Variants in ADAMTS1 observed in about 807,000 individuals in gnomAD.
The protein encoded by ADAMTS1 is ADAM metallopeptidase with thrombospondin type 1 motif 1.
In ADAMTS1, 19 loss-of-function variants were observed where a neutral mutation model predicts 87.9. The ratio of observed to expected loss-of-function variants is 0.22; its 90% CI spans 0.15 to 0.32. ADAMTS1 has a LOEUF of 0.32. ADAMTS1 is among the 10% of genes least tolerant of loss of function. ADAMTS1 has a pLI of 1.00. For missense variants in ADAMTS1, 1,240 were observed against 1,259.1 expected, an observed-to-expected ratio of 0.98 and a Z score of 0.23; for synonymous variants, 542 against 501.8, an observed-to-expected ratio of 1.08 and a Z score of -1.07.
chr21:26,841,827 G>A (rs1985499537), intron 3 of ADAMTS1, 31 bp downstream of exon 3: 3 of 1,599,274 alleles, frequency 1.9e-6, no homozygotes, highest in Non-Finnish European at 2.6e-6. Flanking sequence ...TTTCTGAATT[G>A]AGCTTAACTT....
At position 26,837,677 on chromosome 21, in the gene ADAMTS1, G is replaced by C. The variant is rs1985396970; in HGVS notation, c.2806C>G (p.Leu936Val). ...KGYKKRSLKC[L>V]SHDGGVLSHE... ...GATAACACCCCTCCATCATGGGACA[G>C]ACACTTCAAGCTTCTTTTTTTGTAA... The change falls in exon 9 of 9, where the codon CTG becomes GTG. Residue 936 changes from leucine (L) to valine (V), a missense_variant. By Grantham distance (32) the Leu-to-Val change is conservative (BLOSUM62 1). Coordinates refer to ENST00000284984, the MANE Select transcript of ADAMTS1 (RefSeq NM_006988.5). 4 of 1,614,220 alleles carry C rather than the reference G, an allele frequency of 2.5e-6. No homozygotes were observed. Among genetic ancestry groups the C allele is most frequent in the Non-Finnish European group, 3.4e-6 (4 of 1,180,048 alleles).
rs757786963 is a variant in ADAMTS1, at chr21:26,841,932, C to T, written c.1136G>A (p.Cys379Tyr). 1.2e-6 allele frequency: 2 copies of T among 1,614,180 alleles called. No homozygotes were observed. Among genetic ancestry groups the T allele is most frequent in the Non-Finnish European group, 1.7e-6 (2 of 1,180,038 alleles). ...TLGMADVGTV[C>Y]DPSRSCSVIE... ...GACGGAGCAGCTTCTGCTCGGATCA[C>T]ACACAGTTCCAACATCAGCCATCCC... The change falls in exon 3 of 9, where the codon TGT becomes TAT. Residue 379 changes from cysteine (C) to tyrosine (Y), a missense_variant. By Grantham distance (194) the Cys-to-Tyr change is radical. Around this residue, in one of 3 missense-constraint regions of ADAMTS1, gnomAD observed 317 missense variants for 410.3 expected, o/e 0.77. Transcript: ENST00000284984.
In ADAMTS1 at chr21:26,837,565, A is replaced by G; in HGVS notation, c.*14T>C. The G allele has an allele frequency of 6.2e-7, 1 of 1,611,054 alleles. No individual in the cohort carries two copies. The highest frequency in any genetic ancestry group is 1.1e-5 in the South Asian group (1 of 90,892). ...ACTTTGCCTTGCCCTCAAAGCTAAC[A>G]CCACTTAAACCACTTAACTGCATTC... is the stretch of plus-strand genomic sequence containing the variant. On this transcript the variant is annotated 3_prime_UTR_variant, in exon 9 of 9. Coordinates refer to ENST00000284984, the MANE Select transcript of ADAMTS1 (RefSeq NM_006988.5).
intron 8 of ADAMTS1, 80 bp from the exon 9 acceptor site, chr21:26,838,358 T>A: frequency 6.3e-7 from 1 of 1,581,282 alleles, no homozygotes; most frequent in Non-Finnish European, 8.6e-7. Flanking sequence ...ATTAATCTTT[T>A]ATGAGACATA....
In ADAMTS1 at chr21:26,840,523, A is replaced by G. The variant is rs377018656; in HGVS notation, c.1418T>C (p.Leu473Pro). Residue 473 changes from leucine to proline, a missense_variant, in exon 5 of 9, where the codon CTC becomes CCC. By Grantham distance (98) the Leu-to-Pro change is moderately conservative. Around this residue, in one of 3 missense-constraint regions of ADAMTS1, gnomAD observed 317 missense variants for 410.3 expected, o/e 0.77. Transcript: ENST00000284984. The stretch of plus-strand genomic sequence containing the variant: ...CGAGGTGCCAGGGAGATCGCCTGGG[A>G]GCTGTATGGGATTCTGAGGCTTGTC... ...LMDKPQNPIQ[L>P]PGDLPGTSYD... 8.7e-6 allele frequency: 14 copies of G among 1,614,186 alleles called. No individual in the cohort carries two copies. In the African/African-American group the frequency reaches 1.7e-4, roughly 20 times the overall value.
In ADAMTS1 at chr21:26,844,920, C is replaced by T. The variant is rs766310011; in HGVS notation, c.35G>A (p.Arg12His). The part of the protein sequence containing the change: ...QRAVPEGFGR[R>H]KLGSDMGNAE... Reference sequence around the variant, plus strand: ...GTTCCCCATGTCGCTGCCCAGCTTGCGCCTTCCGAACCCCTCGGGCACAGC... The same window carrying T: ...GTTCCCCATGTCGCTGCCCAGCTTGTGCCTTCCGAACCCCTCGGGCACAGC... Residue 12 changes from arginine (R) to histidine (H), a missense_variant, in exon 1 of 9, where the codon CGC (arginine) becomes CAC (histidine). By Grantham distance (29) the Arg-to-His change is conservative. Around this residue, in one of 3 missense-constraint regions of ADAMTS1, gnomAD observed 521 missense variants for 449.7 expected, o/e 1.16. Transcript: ENST00000284984. 3 of 1,516,834 alleles carry T rather than the reference C, an allele frequency of 2.0e-6. No individual in the cohort carries two copies. The highest frequency in any genetic ancestry group is 1.4e-5 in the African/African-American group (1 of 72,074). The allele number at this position is 1,516,834 out of a possible 1,614,324, so 94.0% of individuals were successfully genotyped here. A position where few individuals can be genotyped will look rare whatever the true frequency, so the allele number is the denominator to read the frequency against.
At position 26,835,873 on chromosome 21, in the gene ADAMTS1, A is replaced by T. The variant is rs143746319; in HGVS notation, c.*1706T>A. On this transcript the variant is annotated 3_prime_UTR_variant, in exon 9 of 9. Coordinates refer to ENST00000284984, the MANE Select transcript of ADAMTS1 (RefSeq NM_006988.5). ...GTTTTTTTAGAACACAGCCATGTCC[A>T]TTCACTTACTCATTCTTTATGGCTA... 1.5e-3 allele frequency: 226 copies of T among 152,330 alleles called. 1 individual carries two copies. Among genetic ancestry groups the T allele is most frequent in the African/African-American group, 5.0e-3 (206 of 41,576 alleles). The allele number at this position is 152,330 out of a possible 1,614,324, so 9.4% of individuals were successfully genotyped here.
Position 26,841,137 on chromosome 21 carries a change from A to G in ADAMTS1, c.1239T>C (p.Asp413=). Residue 413 remains aspartate, a synonymous_variant, in exon 4 of 9, where the codon GAT becomes GAC. Transcript: ENST00000284984. ...LGHVFNMPHD[D]AKQCASLNGV... Reference sequence around the variant, plus strand: ...CATTAAGGCTGGCACACTGCTTTGCATCATCATGTGGCATGTTAAACACGT... The same window carrying G: ...CATTAAGGCTGGCACACTGCTTTGCGTCATCATGTGGCATGTTAAACACGT... 1 of 1,614,208 alleles carries G rather than the reference A, an allele frequency of 6.2e-7. No homozygotes were observed. Among genetic ancestry groups the G allele is most frequent in the Non-Finnish European group, 8.5e-7 (1 of 1,180,044 alleles).
chr21:26,841,757 G>A, intron 3 of ADAMTS1, 101 bp downstream of exon 3: 1 of 1,318,790 alleles, frequency 7.6e-7, no homozygotes, highest in East Asian at 2.4e-5. Context: ...GATGCACTAG[G>A]ACCTAAAATA....
Position 26,838,193 on chromosome 21 carries a change from T to C in ADAMTS1, c.2290A>G (p.Asn764Asp), listed in dbSNP as rs779839755. The change falls in exon 9 of 9, where the codon AAT becomes GAT. Residue 764 changes from asparagine to aspartate, a missense_variant. This residue lies in a region of ADAMTS1 where 402 missense variants were observed against 399.1 expected (regional missense o/e 1.01). Coordinates refer to ENST00000284984, the MANE Select transcript of ADAMTS1 (RefSeq NM_006988.5). ...KQRNQRGSRN[N>D]GSFLAIKAAD... is the part of the protein sequence containing the mutation. ...GCTTTGATGGCAAGAAAGCTGCCATTGTTCCTGGATCCCCTCTGGTTCCGC... is the reference window on the plus strand; with the variant it reads ...GCTTTGATGGCAAGAAAGCTGCCATCGTTCCTGGATCCCCTCTGGTTCCGC... 5 of 1,614,056 alleles carry C rather than the reference T, an allele frequency of 3.1e-6. No homozygotes were observed. In the Admixed American group the frequency reaches 6.7e-5, roughly 22 times the overall value.
chr21:26,841,603 C>T (rs1985495600), intron 3 of ADAMTS1: 1 of 382,364 alleles, frequency 2.6e-6, no homozygotes, highest in South Asian at 7.8e-5. Flanking sequence ...GAGATTGGCT[C>T]TTTTGCAGAC....
intron 4 of ADAMTS1, 119 bp from the exon 5 acceptor site, chr21:26,840,681 G>C: frequency 8.5e-7 from 1 of 1,174,226 alleles, no homozygotes; most frequent in South Asian, 1.6e-5. Flanking sequence ...TCTGAAAACT[G>C]TAAAGCTGGG....
In ADAMTS1 at chr21:26,839,693, G is replaced by A. The variant is rs1190346326; in HGVS notation, c.1922C>T (p.Pro641Leu). The change falls in exon 7 of 9, where the codon CCT becomes CTT. Residue 641 changes from proline (P) to leucine (L), a missense_variant. Transcript: ENST00000284984. ...GTACTTGGGAATCCATTCCACCGCA[G>A]GCCCACTCCCAAAGGAAGCTTTTGA... is the stretch of plus-strand genomic sequence containing the variant. ...EFSKASFGSG[P>L]AVEWIPKYAG... 6.2e-7 allele frequency: 1 copy of A among 1,613,754 alleles called. No homozygotes were observed. Among genetic ancestry groups the A allele is most frequent in the Non-Finnish European group, 8.5e-7 (1 of 1,179,690 alleles).
At chr21:26,838,312 T>C (rs190846802) in intron 8 of ADAMTS1, 34 bp from the exon 9 acceptor site, 12 of 1,578,584 alleles carry the variant, frequency 7.6e-6, no homozygotes, top group Middle Eastern at 1.7e-4. Flanking sequence ...AAATCTCTGA[T>C]TCATTGGCTA....
Position 26,844,744 on chromosome 21 carries a change from G to T in ADAMTS1, c.211C>A (p.His71Asn). Reference protein sequence around the residue: ...VVPELERAPGHGTTRLRLHAF... With the variant: ...VVPELERAPGNGTTRLRLHAF... ...TGCAGGCGGAGGCGCGTGGTCCCGT[G>T]TCCCGGGGCGCGCTCCAGCTCCGGC... is the stretch of plus-strand genomic sequence containing the variant. Residue 71 changes from histidine to asparagine, a missense_variant, in exon 1 of 9, where the codon CAC (histidine) becomes AAC (asparagine). Coordinates refer to ENST00000284984, the MANE Select transcript of ADAMTS1 (RefSeq NM_006988.5). 6.4e-7 allele frequency: 1 copy of T among 1,563,504 alleles called. No homozygotes were observed.
rs1479113271 is a variant in ADAMTS1 at position 26,836,790 on chromosome 21, G to T, written c.*789C>A. On this transcript the variant is annotated 3_prime_UTR_variant, in exon 9 of 9. Transcript: ENST00000284984. ...TTCCCAAAGCAGGGTTACATGGTAG[G>T]AAAGAAAGGAAGTTGGAGGTACTAA... 1 of 152,302 alleles carries T rather than the reference G, an allele frequency of 6.6e-6. No individual in the cohort carries two copies. The highest frequency in any genetic ancestry group is 1.5e-5 in the Non-Finnish European group (1 of 68,034). 9.4% of individuals were successfully genotyped at this position (152,302 alleles called of 1,614,324 possible).
At chr21:26,844,160 G>C (rs1242284751) in intron 1 of ADAMTS1, 65 bp downstream of exon 1, 3 of 1,499,026 alleles carry the variant, frequency 2.0e-6, no homozygotes, top group Non-Finnish European at 2.7e-6. Context: ...CCCTGAAGTC[G>C]CGTGGGATAG....
chr21:26,837,168 A>C lies in ADAMTS1; in HGVS notation c.*411T>G. 6.0e-6 allele frequency: 1 copy of C among 166,966 alleles called. No individual in the cohort carries two copies. The highest frequency in any genetic ancestry group is 1.3e-5 in the Non-Finnish European group (1 of 75,750). 10.3% of individuals were successfully genotyped at this position (166,966 alleles called of 1,614,324 possible). ...GTAAAGTAAAACAGGTCTTAGTAAA[A>C]TCTCACTTTTCTCCTACTTTTCATT... On this transcript the variant is annotated 3_prime_UTR_variant, in exon 9 of 9. Transcript: ENST00000284984.
At position 26,837,561 on chromosome 21, in the gene ADAMTS1, T is replaced by TAAC. The variant is rs1363199666; in HGVS notation, c.*15_*17dup. The stretch of plus-strand genomic sequence containing the variant: ...CCTCACTTTGCCTTGCCCTCAAAGC[T>TAAC]AACACCACTTAAACCACTTAACTGC... On this transcript the variant is annotated 3_prime_UTR_variant, in exon 9 of 9. Coordinates refer to ENST00000284984, the MANE Select transcript of ADAMTS1 (RefSeq NM_006988.5). 1 of 1,610,604 alleles carries TAAC rather than the reference T, an allele frequency of 6.2e-7. No homozygotes were observed. Among genetic ancestry groups the TAAC allele is most frequent in the Admixed American group, 1.7e-5 (1 of 59,902 alleles).
Sources: allele counts gnomAD v4.1 joint callset, GRCh38; gene constraint gnomAD v4.1.1; regional missense constraint gnomAD v4.1.1; transcripts MANE v1.5; gene names NCBI Gene and HGNC (gene_info 2026-07-23, HGNC 2026-07-21).